FSTL5: variants seen among roughly 807,000 people sequenced by gnomAD.
FSTL5 encodes follistatin like 5.
In FSTL5, 62 loss-of-function variants were observed where a neutral mutation model predicts 89.1. The ratio of observed to expected loss-of-function variants is 0.70; its 90% CI spans 0.57 to 0.86. FSTL5 has a LOEUF of 0.86. Ranked by LOEUF, FSTL5 falls within the 40% of genes least tolerant of loss-of-function variation. FSTL5 has a pLI of 0.00. For synonymous variants in FSTL5, 383 were observed against 346.2 expected (o/e 1.11, Z -1.18); for missense variants, 1,057 against 1,001.6 (o/e 1.06, Z -0.75).
At chr4:162,033,717 C>A (rs1737625592) in intron 2 of FSTL5, 59 bp from the exon 3 acceptor site, 1 of 943,566 alleles carries the variant, frequency 1.1e-6, no homozygotes, top group Non-Finnish European at 1.6e-6. Flanking sequence ...TCAACTGTTT[C>A]ATATAAAGTT....
At chr4:161,952,922 C>A (rs997987638) in intron 3 of FSTL5, among the ~76,000 whole-genome samples, 5 of 151,646 alleles carry the variant, frequency 3.3e-5, no homozygotes, top group African/African-American at 1.2e-4. Context: ...TCAGAAGTTA[C>A]AAAAATATGA....
chr4:161,753,573 CA>C (rs1169972201), intron 6 of FSTL5, among the ~76,000 whole-genome samples: 1 of 151,914 alleles, frequency 6.6e-6, no homozygotes, highest in East Asian at 1.9e-4. Context: ...TTTTCTCAAA[CA>C]AAGGTTTTTA....
At chr4:161,808,423 A>G (rs904924131) in intron 4 of FSTL5, among the ~76,000 whole-genome samples, 8 of 152,182 alleles carry the variant, frequency 5.3e-5, no homozygotes, top group Non-Finnish European at 1.0e-4. Flanking sequence ...ATGCCAAAAC[A>G]GGAAAATAAC....
chr4:161,784,905 A>AAAAAAAG (rs1473076115), intron 4 of FSTL5, among the ~76,000 whole-genome samples: 1 of 149,034 alleles, frequency 6.7e-6, no homozygotes, highest in East Asian at 2.0e-4. Flanking sequence ...AAAAAACAAA[A>AAAAAAAG]ACAAACAAAC....
At chr4:162,130,962 G>A (rs1732280319) in intron 1 of FSTL5, among the ~76,000 whole-genome samples, 1 of 151,966 alleles carries the variant, frequency 6.6e-6, no homozygotes, top group Non-Finnish European at 1.5e-5. Flanking sequence ...AATATTAAAT[G>A]AAAATAAAAA....
At chr4:161,693,917 C>T (rs1037436037) in intron 6 of FSTL5, among the ~76,000 whole-genome samples, 2 of 152,096 alleles carry the variant, frequency 1.3e-5, no homozygotes, top group East Asian at 1.9e-4. Flanking sequence ...GGATTACAGG[C>T]GTGAGCCACT....
intron 8 of FSTL5, among the ~76,000 whole-genome samples, chr4:161,550,978 TATC>T (rs1193635441): frequency 4.7e-5 from 7 of 150,406 alleles, no homozygotes; most frequent in African/African-American, 7.3e-5. Context: ...TAATCCAGTC[TATC>T]ATTGTTGGAC....
intron 6 of FSTL5, among the ~76,000 whole-genome samples, chr4:161,657,678 A>G (rs1032752384): frequency 6.6e-6 from 1 of 152,150 alleles, no homozygotes; most frequent in African/African-American, 2.4e-5. Context: ...GTTTTATAGA[A>G]TGCAAATATC....
intron 15 of FSTL5, among the ~76,000 whole-genome samples, chr4:161,431,175 G>C (rs6850098): frequency 1.3e-5 from 2 of 152,082 alleles, no homozygotes; most frequent in Admixed American, 1.3e-4. Context: ...AGTAATTGTC[G>C]TGTATAAACT....
intron 15 of FSTL5, among the ~76,000 whole-genome samples, chr4:161,413,652 G>T (rs1263102575): frequency 3.3e-5 from 5 of 152,044 alleles, no homozygotes; most frequent in African/African-American, 7.2e-5. Flanking sequence ...ATTTATAATA[G>T]CAAAGACATG....
intron 6 of FSTL5, among the ~76,000 whole-genome samples, chr4:161,714,969 G>A (rs1167361449): frequency 6.6e-6 from 1 of 151,914 alleles, no homozygotes; most frequent in East Asian, 1.9e-4. Context: ...ATTTTTTAAA[G>A]TTTTACTCAA....
intron 3 of FSTL5, among the ~76,000 whole-genome samples, chr4:161,971,804 T>C (rs1034986189): frequency 7.2e-5 from 11 of 152,192 alleles, no homozygotes; most frequent in African/African-American, 2.7e-4. Context: ...CAAATAATGA[T>C]TTTATGTTAG....
intron 2 of FSTL5, among the ~76,000 whole-genome samples, chr4:162,081,089 G>A (rs1039605007): frequency 5.3e-5 from 8 of 151,206 alleles, no homozygotes; most frequent in African/African-American, 9.7e-5. Context: ...TTTTATCCAC[G>A]CCCTCTAAAT....
chr4:161,595,030 G>A (rs1435485632), intron 7 of FSTL5, among the ~76,000 whole-genome samples: 1 of 148,592 alleles, frequency 6.7e-6, no homozygotes, highest in African/African-American at 2.5e-5. Context: ...CATCCAAATA[G>A]ACTGCAGAAT....
At position 161,705,944 on chromosome 4, in the gene FSTL5, AGATGTGTG is replaced by A. The variant is rs1413975178; in HGVS notation, c.728-49458_728-49451del. Among the ~76,000 whole-genome samples, 300 of 42,218 alleles carry A rather than the reference AGATGTGTG, an allele frequency of 7.1e-3. 4 individuals are homozygous for A. Among genetic ancestry groups the A allele is most frequent in the Admixed American group, 0.014 (40 of 2,856 alleles). 27.7% of individuals were successfully genotyped at this position (42,218 alleles called of 152,430 possible). On this transcript the variant is annotated intron_variant, in intron 6 of 15. Transcript: ENST00000306100. ...AAAATACATATGCATGTGTGTGTGT[AGATGTGTG>A]TATATATATATATATATATATATAT...
At chr4:161,818,572 C>A (rs1730398977) in intron 4 of FSTL5, among the ~76,000 whole-genome samples, 1 of 152,170 alleles carries the variant, frequency 6.6e-6, no homozygotes, top group African/African-American at 2.4e-5. Flanking sequence ...CACAGCCTAC[C>A]TGTCTATATG....
In FSTL5 at chr4:161,582,047, T is replaced by C. The variant is rs572760077; in HGVS notation, c.1015+5408A>G. Among the ~76,000 whole-genome samples the C allele has an allele frequency of 2.0e-4, 30 of 152,360 alleles. No homozygotes were observed. In the South Asian group the frequency reaches 6.2e-3, roughly 32 times the overall value. Reference sequence around the variant, plus strand: ...TTCAGACAATGGCACAGAAGCACTCTCATATTTCAATATCTAATTTGCATT... The same window carrying C: ...TTCAGACAATGGCACAGAAGCACTCCCATATTTCAATATCTAATTTGCATT... On this transcript the variant is annotated intron_variant, in intron 8 of 15. Coordinates refer to ENST00000306100, the MANE Select transcript of FSTL5 (RefSeq NM_020116.5).
At chr4:161,697,893 T>C (rs1738228895) in intron 6 of FSTL5, among the ~76,000 whole-genome samples, 1 of 152,090 alleles carries the variant, frequency 6.6e-6, no homozygotes, top group South Asian at 2.1e-4. Context: ...TGCCATAATT[T>C]ATCAAGAATG....
intron 15 of FSTL5, among the ~76,000 whole-genome samples, chr4:161,396,475 C>G (rs1731003026): frequency 6.9e-6 from 1 of 144,378 alleles, no homozygotes; most frequent in Non-Finnish European, 1.5e-5. Flanking sequence ...AACTCCATCT[C>G]TACTAAAAAT....
Sources: gnomAD v4.1 joint callset for allele counts (sites outside exome capture counted in the v4.1 genomes callset) on GRCh38, gnomAD v4.1.1 for gene constraint, MANE v1.5 for transcripts, NCBI Gene and HGNC (gene_info 2026-07-23, HGNC 2026-07-21) for gene names.